The following YTHDC1 variants were observed in gnomAD, a reference collection of about 807,000 sequenced individuals.
The protein encoded by YTHDC1 is YTH domain-containing protein 1.
A neutral mutation model predicts 107.0 loss-of-function variants in YTHDC1; 12 were observed. The ratio of observed to expected loss-of-function variants is 0.11; its 90% CI spans 0.07 to 0.18. YTHDC1 has a LOEUF of 0.18. Among genes scored for constraint, YTHDC1 ranks in the 10% least tolerant of loss-of-function variants. The probability of loss-of-function intolerance (pLI) is 1.00; values close to 1 mark genes in which losing one functional copy is unlikely to be tolerated. For synonymous variants in YTHDC1, 280 were observed against 289.5 expected, an observed-to-expected ratio of 0.97 and a Z score of 0.33; for missense variants, 635 against 898.8, an observed-to-expected ratio of 0.71 and a Z score of 3.75.
At chr4:68,349,656 G>T in intron 1 of YTHDC1, 70 bp downstream of exon 1, 6 of 1,283,664 alleles carry the variant, frequency 4.7e-6, no homozygotes, top group Middle Eastern at 2.0e-4. Context: ...CCCCAACGAC[G>T]ACCACTGCTC....
At chr4:68,336,850 T>C (rs968183109) in intron 4 of YTHDC1, among the ~76,000 whole-genome samples, 177 bp downstream of exon 4, 3 of 152,228 alleles carry the variant, frequency 2.0e-5, no homozygotes, top group Non-Finnish European at 4.4e-5. Flanking sequence ...CTAAAATATG[T>C]AAATCTTATC....
intron 1 of YTHDC1, among the ~76,000 whole-genome samples, chr4:68,343,524 TAAAAAAAA>T (rs10657692): frequency 8.3e-6 from 1 of 120,998 alleles, no homozygotes; most frequent in Non-Finnish European, 1.7e-5. Context: ...TTAAAATCTT[TAAAAAAAA>T]AAAAAAAAAA....
Position 68,333,377 on chromosome 4 carries a change from TCCTTTC to T in YTHDC1, c.898_903del (p.Glu300_Arg301del). 1 of 1,609,648 alleles carries T rather than the reference TCCTTTC, an allele frequency of 6.2e-7. No individual in the cohort carries two copies. Among genetic ancestry groups the T allele is most frequent in the Non-Finnish European group, 8.5e-7 (1 of 1,178,378 alleles). ...ATTGGAGATATGCCTCTAGCTCTCT[TCCTTTC>T]CTTCTTTTTCTCATCTAAAAAGAAC... On this transcript the variant is annotated inframe_deletion, in exon 5 of 17. Coordinates refer to ENST00000344157, the MANE Select transcript of YTHDC1 (RefSeq NM_001031732.4).
chr4:68,330,389 T>C, intron 7 of YTHDC1, 79 bp from the exon 8 acceptor site: 1 of 983,632 alleles, frequency 1.0e-6, no homozygotes, highest in Non-Finnish European at 1.4e-6. Context: ...GAAAAAAAAC[T>C]ACATATTTTG....
chr4:68,333,789 A>G (rs534624352), intron 4 of YTHDC1, among the ~76,000 whole-genome samples: 14 of 152,190 alleles, frequency 9.2e-5, no homozygotes, highest in African/African-American at 3.4e-4. Flanking sequence ...TTTAAACTCC[A>G]CTACCATTCT....
At chr4:68,343,524 TAA>T (rs10657692) in intron 1 of YTHDC1, among the ~76,000 whole-genome samples, 28 of 121,008 alleles carry the variant, frequency 2.3e-4, no homozygotes, top group African/African-American at 9.0e-4. Context: ...TTAAAATCTT[TAA>T]AAAAAAAAAA....
chr4:68,315,958 TTGAG>T (rs1226551527), intron 16 of YTHDC1: 5 of 159,562 alleles, frequency 3.1e-5, no homozygotes, highest in African/African-American at 1.2e-4. Flanking sequence ...CCTAGAAAAA[TTGAG>T]TAAGAATACA....
chr4:68,332,058 A>T, intron 7 of YTHDC1, 45 bp downstream of exon 7: 4 of 1,304,876 alleles, frequency 3.1e-6, no homozygotes, highest in Non-Finnish European at 4.3e-6. Flanking sequence ...TTCCCATTTA[A>T]AAATTTTGAT....
rs896441089 is a variant in YTHDC1 at position 68,311,310 on chromosome 4, A to G, written c.*2789T>C. On this transcript the variant is annotated 3_prime_UTR_variant, in exon 17 of 17. Coordinates refer to ENST00000344157, the MANE Select transcript of YTHDC1 (RefSeq NM_001031732.4). ...ATTAGACCATGCTTGAAAAAAAGCC[A>G]TTATGGAGGAAATCATTATGGAGGA... 5.3e-5 allele frequency: 8 copies of G among 152,086 alleles called. No individual in the cohort carries two copies. The highest frequency in any genetic ancestry group is 1.9e-4 in the African/African-American group (8 of 41,358). The allele number at this position is 152,086 out of a possible 1,614,324, so 9.4% of individuals were successfully genotyped here. A position where few individuals can be genotyped will look rare whatever the true frequency, so the allele number is the denominator to read the frequency against.
chr4:68,338,161 G>A (rs992610379), intron 2 of YTHDC1, 122 bp downstream of exon 2: 1 of 1,289,682 alleles, frequency 7.8e-7, no homozygotes, highest in Admixed American at 2.9e-5. Flanking sequence ...AGTTTATTAT[G>A]TACATTTAGT....
chr4:68,349,637 A>ACCCCCCCCCCCCCCC, intron 1 of YTHDC1, 89 bp downstream of exon 1: 2 of 124,940 alleles, frequency 1.6e-5, no homozygotes, highest in South Asian at 9.3e-5. Flanking sequence ...CCCAACCCCC[A>ACCCCCCCCCCCCCCC]CCCCCCACCC....
chr4:68,337,428 C>T lies in YTHDC1; in HGVS notation c.482G>A (p.Arg161Lys), dbSNP rs1395785011. The T allele has an allele frequency of 6.2e-7, 1 of 1,614,022 alleles. No individual in the cohort carries two copies. ...AGACTGGCTGGATCTGCTTGCACGT[C>T]TATCCACTTCAAGCCCAATTCTCTG... is the stretch of plus-strand genomic sequence containing the variant. ...GSERIGLEVDRRASRSSQSSK... is the reference protein window; with the variant it reads ...GSERIGLEVDKRASRSSQSSK... The change falls in exon 4 of 17, where the codon AGA becomes AAA. Residue 161 changes from arginine to lysine, a missense_variant. Arg to Lys is a conservative substitution (Grantham distance 26). Coordinates refer to ENST00000344157, the MANE Select transcript of YTHDC1 (RefSeq NM_001031732.4).
intron 4 of YTHDC1, among the ~76,000 whole-genome samples, chr4:68,334,306 T>G (rs1034398414): frequency 6.6e-6 from 1 of 152,192 alleles, no homozygotes; most frequent in Non-Finnish European, 1.5e-5. Flanking sequence ...TAATCAGTGA[T>G]CATGTATACA....
intron 12 of YTHDC1, among the ~76,000 whole-genome samples, chr4:68,319,807 A>AAT (rs1353936457): frequency 6.6e-6 from 1 of 152,174 alleles, no homozygotes; most frequent in Non-Finnish European, 1.5e-5. Context: ...AGCCTGATAG[A>AAT]ATATAAGGTT....
chr4:68,336,958 T>TA (rs1724234984), intron 4 of YTHDC1, 69 bp downstream of exon 4: 1 of 1,511,472 alleles, frequency 6.6e-7, no homozygotes, highest in Admixed American at 2.2e-5. Context: ...TTTTATAATT[T>TA]AAACATTTTC....
intron 1 of YTHDC1, 129 bp downstream of exon 1, chr4:68,349,597 C>CGTAGCATTA: frequency 7.1e-7 from 1 of 1,410,350 alleles, no homozygotes; most frequent in Non-Finnish European, 9.8e-7. Flanking sequence ...CGGTGGGGGC[C>CGTAGCATTA]ACCGGCTCCT....
intron 1 of YTHDC1, among the ~76,000 whole-genome samples, chr4:68,342,616 A>G (rs1434551587): frequency 6.6e-6 from 1 of 152,212 alleles, no homozygotes; most frequent in African/African-American, 2.4e-5. Flanking sequence ...AATAACAAAA[A>G]TTCATTTAAA....
intron 7 of YTHDC1, among the ~76,000 whole-genome samples, chr4:68,330,540 T>G (rs749201859): frequency 1.1e-4 from 17 of 152,124 alleles, no homozygotes; most frequent in Non-Finnish European, 2.4e-4. Context: ...AAGCAAGTAG[T>G]AAATAGATGG....
At chr4:68,346,100 T>TATATATACAC (rs144743953) in intron 1 of YTHDC1, among the ~76,000 whole-genome samples, 10 of 134,156 alleles carry the variant, frequency 7.5e-5, no homozygotes, top group South Asian at 2.3e-4. Context: ...TATATATATA[T>TATATATACAC]ACACACACAC....
Sources: gnomAD v4.1 joint callset for allele counts (sites outside exome capture counted in the v4.1 genomes callset) on GRCh38, gnomAD v4.1.1 for gene constraint, MANE v1.5 for transcripts, NCBI Gene and HGNC (gene_info 2026-07-23, HGNC 2026-07-21) for gene names.